CEP131: variants seen among roughly 807,000 people sequenced by gnomAD.
CEP131 encodes centrosomal protein 131.
In CEP131, 99 loss-of-function variants were observed where a neutral mutation model predicts 136.8. The observed-to-expected ratio is 0.72, with a 90% CI of 0.62 to 0.86. The LOEUF is 0.86. Ranked by LOEUF, CEP131 falls within the 40% of genes least tolerant of loss-of-function variation. The probability of loss-of-function intolerance (pLI) is 0.00; values close to 1 mark genes in which losing one functional copy is unlikely to be tolerated. For missense variants in CEP131, 1,459 were observed against 1,463.0 expected, an observed-to-expected ratio of 1.00 and a Z score of 0.04; for synonymous variants, 646 against 612.7, an observed-to-expected ratio of 1.05 and a Z score of -0.80.
At position 81,189,823 on chromosome 17, in the gene CEP131, G is replaced by A; in HGVS notation, c.3189C>T (p.Asp1063=). 2.5e-6 allele frequency: 4 copies of A among 1,611,802 alleles called. No homozygotes were observed. Among genetic ancestry groups the A allele is most frequent in the Non-Finnish European group, 2.5e-6 (3 of 1,179,516 alleles). The change falls in exon 26 of 26, where the codon GAC becomes GAT. Residue 1063 remains aspartate, a synonymous_variant. Coordinates refer to ENST00000450824, the MANE Select transcript of CEP131 (RefSeq NM_014984.4). The part of the protein sequence containing the change: ...TQHEAAVKRA[D]HLEELLEQHR... ...GCTGCTCCAGCAGCTCCTCCAGGTGGTCGGCCCGCTTCACCGCAGCCTGCA... is the reference window on the plus strand; with the variant it reads ...GCTGCTCCAGCAGCTCCTCCAGGTGATCGGCCCGCTTCACCGCAGCCTGCA...
intron 9 of CEP131, 76 bp downstream of exon 9, chr17:81,199,643 A>T: frequency 6.3e-7 from 1 of 1,596,598 alleles, no homozygotes; most frequent in Non-Finnish European, 8.5e-7. Context: ...CCCGGGGCCC[A>T]GGGAGCCCCA....
chr17:81,191,280 C>G lies in CEP131; in HGVS notation c.2678G>C (p.Arg893Pro). Residue 893 changes from arginine to proline, a missense_variant, in exon 22 of 26, where the codon CGG becomes CCG. Coordinates refer to ENST00000450824, the MANE Select transcript of CEP131 (RefSeq NM_014984.4). ...AATGACCAGCTCAATCTCCTTGTCC[C>G]GGCCTTTCCGGATTTCTTCCCTCAG... ...QELREEIRKGRDKEIELVIHR... is the reference protein window; with the variant it reads ...QELREEIRKGPDKEIELVIHR... The G allele has an allele frequency of 6.2e-7, 1 of 1,613,522 alleles. No homozygotes were observed. The highest frequency in any genetic ancestry group is 8.5e-7 in the Non-Finnish European group (1 of 1,179,958).
intron 12 of CEP131, 53 bp from the exon 13 acceptor site, chr17:81,197,941 G>A (rs560798091): frequency 6.3e-7 from 1 of 1,579,308 alleles, no homozygotes; most frequent in Non-Finnish European, 8.6e-7. Context: ...TGAGGACTTG[G>A]GTTCCCCAAA....
rs545096579 is a variant in CEP131 at position 81,192,694 on chromosome 17, C to T, written c.2429+42G>A. The T allele has an allele frequency of 1.7e-3, 2,378 of 1,433,768 alleles. 5 individuals are homozygous for T. The highest frequency in any genetic ancestry group is 2.0e-3 in the Non-Finnish European group (2,094 of 1,050,362). 88.8% of individuals were successfully genotyped at this position (1,433,768 alleles called of 1,614,324 possible). A position where few individuals can be genotyped will look rare whatever the true frequency, so the allele number is the denominator to read the frequency against. ...GGGGCGGGGGGGAGGGGTCAGCCAG[C>T]GAGGGGTCCCTGGGAGAGGGCGTGG... On this transcript the variant is annotated intron_variant, in intron 19 of 25. Coordinates refer to ENST00000450824, the MANE Select transcript of CEP131 (RefSeq NM_014984.4).
chr17:81,221,743 G>A (rs949789627), intron 1 of CEP131, among the ~76,000 whole-genome samples: 1 of 152,306 alleles, frequency 6.6e-6, no homozygotes, highest in East Asian at 1.9e-4. Context: ...TGTGGCTCCT[G>A]AGCAACCCCA....
rs778220997 is a variant in CEP131 at position 81,198,290 on chromosome 17, A to C, written c.1295T>G (p.Leu432Arg). Residue 432 changes from leucine (L) to arginine (R), a missense_variant, in exon 12 of 26, where the codon CTT becomes CGT. Coordinates refer to ENST00000450824, the MANE Select transcript of CEP131 (RefSeq NM_014984.4). The part of the protein sequence containing the change: ...QPPEDRTQDV[L>R]AQDAAGDNLE... Reference sequence around the variant, plus strand: ...GTTGTCCCCAGCTGCATCCTGGGCAAGAACGTCCTGCAAAAGAGCAGGGAG... The same window carrying C: ...GTTGTCCCCAGCTGCATCCTGGGCACGAACGTCCTGCAAAAGAGCAGGGAG... 9.4e-6 allele frequency: 15 copies of C among 1,597,940 alleles called. No homozygotes were observed. In the South Asian group the frequency reaches 1.6e-4, roughly 17 times the overall value.
chr17:81,202,161 T>TGGGG, intron 7 of CEP131, 79 bp downstream of exon 7: 10 of 546,316 alleles, frequency 1.8e-5, no homozygotes, highest in South Asian at 3.3e-5. Flanking sequence ...CTCGGAGGTG[T>TGGGG]GAGCCCCCCA....
chr17:81,193,991 C>A lies in CEP131; in HGVS notation c.2256G>T (p.Leu752=). 1 of 1,553,356 alleles carries A rather than the reference C, an allele frequency of 6.4e-7. No individual in the cohort carries two copies. The highest frequency in any genetic ancestry group is 8.7e-7 in the Non-Finnish European group (1 of 1,150,014). The part of the protein sequence containing the change: ...SQRCLRQAEE[L]REQLEREKEA... ...CCTTCTCCCGCTCCAGCTGCTCCCG[C>A]AGCTCCTCGGCCTGGCGCAGGCAGC... Residue 752 remains leucine (L), a synonymous_variant, in exon 18 of 26, where the codon CTG becomes CTT. Transcript: ENST00000450824.
intron 2 of CEP131, among the ~76,000 whole-genome samples, chr17:81,209,536 G>A (rs1189280668): frequency 6.6e-6 from 1 of 152,022 alleles, no homozygotes; most frequent in African/African-American, 2.4e-5. Context: ...AAGGGGTGGA[G>A]GGGAGGCTGC....
In CEP131 at chr17:81,194,125, G is replaced by A; in HGVS notation, c.2122C>T (p.Leu708=). ...KKIKEVTVRG[L]EPEIQKLIAR... ...ATCAGCTTCTGGATCTCGGGCTCCA[G>A]ACCTGGGGGCGGGGCACCAGCTAGG... Residue 708 remains leucine, a splice_region_variant and synonymous_variant, in exon 18 of 26, where the codon CTG becomes TTG. Coordinates refer to ENST00000450824, the MANE Select transcript of CEP131 (RefSeq NM_014984.4). 1 of 1,525,316 alleles carries A rather than the reference G, an allele frequency of 6.6e-7. No homozygotes were observed. Among genetic ancestry groups the A allele is most frequent in the Non-Finnish European group, 8.8e-7 (1 of 1,138,144 alleles). 94.5% of individuals were successfully genotyped at this position (1,525,316 alleles called of 1,614,324 possible). A position where few individuals can be genotyped will look rare whatever the true frequency, so the allele number is the denominator to read the frequency against.
At chr17:81,213,541 A>T (rs2062179864) in intron 2 of CEP131, among the ~76,000 whole-genome samples, 1 of 150,142 alleles carries the variant, frequency 6.7e-6, no homozygotes, top group South Asian at 2.1e-4. Flanking sequence ...CCTGGGCGAC[A>T]GCGTGAGACA....
intron 2 of CEP131, among the ~76,000 whole-genome samples, chr17:81,210,115 G>A (rs1442033102): frequency 6.6e-6 from 1 of 152,096 alleles, no homozygotes; most frequent in Non-Finnish European, 1.5e-5. Flanking sequence ...GAGAAGTAGC[G>A]CTTGGGGAAG....
At chr17:81,192,685 G>GGGGGGGGGGGGCGGGCC in intron 19 of CEP131, 51 bp downstream of exon 19, 1 of 478,436 alleles carries the variant, frequency 2.1e-6, no homozygotes, top group Non-Finnish European at 4.1e-6. Context: ...GGGGGGAGGG[G>GGGGGGGGGGGGCGGGCC]TCAGCCAGCG....
At chr17:81,205,474 G>A (rs550828098) in intron 5 of CEP131, among the ~76,000 whole-genome samples, 1 of 98,092 alleles carries the variant, frequency 1.0e-5, no homozygotes, top group Non-Finnish European at 2.1e-5. Context: ...CGGCGCGGGG[G>A]TAGGAGGGGC....
intron 13 of CEP131, 77 bp downstream of exon 13, chr17:81,197,635 C>G: frequency 1.3e-6 from 2 of 1,504,870 alleles, no homozygotes; most frequent in Non-Finnish European, 1.8e-6. Flanking sequence ...GAGGGGCCTC[C>G]TCCCCCGAGG....
At chr17:81,211,836 G>C (rs2062136869) in intron 2 of CEP131, among the ~76,000 whole-genome samples, 1 of 151,878 alleles carries the variant, frequency 6.6e-6, no homozygotes, top group African/African-American at 2.4e-5. Context: ...AGGAGGCTGA[G>C]GTGGGAGGAT....
intron 2 of CEP131, among the ~76,000 whole-genome samples, chr17:81,213,212 A>T (rs1361348400): frequency 1.3e-5 from 2 of 152,228 alleles, no homozygotes; most frequent in African/African-American, 4.8e-5. Context: ...TTGAATTATA[A>T]CTTGAAGTGT....
chr17:81,194,810 G>A (rs969179411), intron 17 of CEP131, 60 bp downstream of exon 17: 2 of 1,370,624 alleles, frequency 1.5e-6, no homozygotes, highest in African/African-American at 2.9e-5. Flanking sequence ...TCTCTCAAAA[G>A]AAGCCCTGGC....
In CEP131 at chr17:81,192,748, T is replaced by TG. The variant is rs762186434; in HGVS notation, c.2416dup (p.Gln806ProfsTer31). 1 of 1,583,096 alleles carries TG rather than the reference T, an allele frequency of 6.3e-7. No individual in the cohort carries two copies. The highest frequency in any genetic ancestry group is 1.7e-5 in the Admixed American group (1 of 59,906). On this transcript the variant is annotated frameshift_variant, in exon 19 of 26. Transcript: ENST00000450824. LOFTEE classifies it high-confidence loss of function. ...CCCCGGGCGGCACCTGGCTGCCTGC[T>TG]GGCCCAGCCGCTCCCTCTCCTCAGC...
Sources: gnomAD v4.1 joint callset for allele counts (sites outside exome capture counted in the v4.1 genomes callset) on GRCh38, gnomAD v4.1.1 for gene constraint, MANE v1.5 for transcripts, NCBI Gene and HGNC (gene_info 2026-07-23, HGNC 2026-07-21) for gene names.